The following NELL1 variants were observed in gnomAD, a reference collection of about 807,000 sequenced individuals.
The protein encoded by NELL1 is neural EGFL like 1.
NELL1 carries 76 observed loss-of-function variants against 107.4 expected under a neutral mutation model. The ratio of observed to expected loss-of-function variants is 0.71; its 90% CI spans 0.59 to 0.86. NELL1 has a LOEUF of 0.86. Ranked by LOEUF, NELL1 falls within the 40% of genes least tolerant of loss-of-function variation. The pLI, the probability that NELL1 is intolerant of heterozygous loss-of-function variation, is 0.00. For synonymous variants in NELL1, 353 were observed against 341.2 expected (o/e 1.03, Z -0.38); for missense variants, 1,024 against 1,005.5 (o/e 1.02, Z -0.25).
At chr11:20,918,753 T>C (rs1323069245) in intron 6 of NELL1, among the ~76,000 whole-genome samples, 1 of 152,018 alleles carries the variant, frequency 6.6e-6, no homozygotes, top group Non-Finnish European at 1.5e-5. Context: ...GTGGGAATTA[T>C]GGGAGCTACA....
At chr11:21,124,921 G>A (rs1855455547) in intron 13 of NELL1, among the ~76,000 whole-genome samples, 2 of 152,018 alleles carry the variant, frequency 1.3e-5, no homozygotes, top group Non-Finnish European at 2.9e-5. Flanking sequence ...TTCTTACTGT[G>A]TGCTCACATG....
At chr11:21,054,534 A>G (rs1372444895) in intron 12 of NELL1, among the ~76,000 whole-genome samples, 4 of 152,124 alleles carry the variant, frequency 2.6e-5, no homozygotes, top group Non-Finnish European at 4.4e-5. Context: ...TGTCCTCAAA[A>G]AAGTGTGTAA....
intron 13 of NELL1, among the ~76,000 whole-genome samples, chr11:21,124,123 T>C (rs1385440137): frequency 1.3e-5 from 2 of 152,196 alleles, no homozygotes; most frequent in African/African-American, 2.4e-5. Flanking sequence ...TTATACTCTA[T>C]ATATTTTCTA....
intron 15 of NELL1, among the ~76,000 whole-genome samples, chr11:21,394,341 T>C (rs967622240): frequency 5.3e-5 from 8 of 151,534 alleles, no homozygotes; most frequent in Non-Finnish European, 1.2e-4. Flanking sequence ...GTATCTCTCA[T>C]AGAATATTAC....
intron 3 of NELL1, among the ~76,000 whole-genome samples, chr11:20,816,545 G>A (rs1426130214): frequency 6.6e-6 from 1 of 152,136 alleles, no homozygotes. Context: ...GAGTCTTTTA[G>A]TGGAGTCTTT....
chr11:20,750,698 C>T lies in NELL1; in HGVS notation c.185-32982C>T, dbSNP rs116587522. On this transcript the variant is annotated intron_variant, in intron 2 of 19. Coordinates refer to ENST00000357134, the MANE Select transcript of NELL1 (RefSeq NM_006157.5). ...AATTCTTGGGCTCAGGTGATCCTCC[C>T]GTCTCAACCTCCCCAGTAGCTAGGA... Among the ~76,000 whole-genome samples, 1,004 of 152,128 alleles carry T rather than the reference C, an allele frequency of 6.6e-3. 12 individuals are homozygous for T. The highest frequency in any genetic ancestry group is 0.023 in the African/African-American group (943 of 41,522).
chr11:20,785,037 G>C (rs1367535567), intron 3 of NELL1, among the ~76,000 whole-genome samples: 1 of 152,216 alleles, frequency 6.6e-6, no homozygotes, highest in Non-Finnish European at 1.5e-5. Flanking sequence ...GAGTGCTCTT[G>C]AAGCACAGGC....
intron 9 of NELL1, among the ~76,000 whole-genome samples, chr11:20,931,595 CAAAG>C (rs1850620105): frequency 2.0e-5 from 3 of 152,006 alleles, no homozygotes; most frequent in Admixed American, 6.5e-5. Flanking sequence ...TAAAAAAAGA[CAAAG>C]AAAAAATTGT....
At position 20,724,143 on chromosome 11, in the gene NELL1, G is replaced by A. The variant is rs541377287; in HGVS notation, c.184+46083G>A. Among the ~76,000 whole-genome samples the A allele has an allele frequency of 2.0e-5, 3 of 152,338 alleles. No individual in the cohort carries two copies. The South Asian group carries it at 6.2e-4, about 32-fold the overall frequency. On this transcript the variant is annotated intron_variant, in intron 2 of 19. Transcript: ENST00000357134. ...GCCATTTTTCCCTCCTAGGCCTTGG[G>A]CCTGTGATGGAAGGGGTTGCCTTGA...
At chr11:21,131,488 A>G (rs1011972022) in intron 13 of NELL1, among the ~76,000 whole-genome samples, 12 of 152,208 alleles carry the variant, frequency 7.9e-5, no homozygotes, top group Non-Finnish European at 1.6e-4. Context: ...CATCATCTGC[A>G]GCAGGAGATT....
At chr11:21,296,814 A>G (rs1460889158) in intron 14 of NELL1, among the ~76,000 whole-genome samples, 1 of 151,776 alleles carries the variant, frequency 6.6e-6, no homozygotes, top group African/African-American at 2.4e-5. Context: ...ATGGGAAGAA[A>G]TTAAATAAAA....
At position 21,111,832 on chromosome 11, in the gene NELL1, C is replaced by T. The variant is rs988809162; in HGVS notation, c.1301-1757C>T. Reference sequence around the variant, plus strand: ...CTGGTAATATTTTATGAACAACACACTAATGTCAAGCAGCCCTCTCTAATA... The same window carrying T: ...CTGGTAATATTTTATGAACAACACATTAATGTCAAGCAGCCCTCTCTAATA... On this transcript the variant is annotated intron_variant, in intron 12 of 19. Transcript: ENST00000357134. Among the ~76,000 whole-genome samples the T allele has an allele frequency of 3.3e-5, 5 of 152,058 alleles. No homozygotes were observed. In the South Asian group the frequency reaches 6.2e-4, roughly 19 times the overall value.
intron 12 of NELL1, among the ~76,000 whole-genome samples, chr11:20,962,866 G>A (rs1448954395): frequency 6.6e-6 from 1 of 152,136 alleles, no homozygotes; most frequent in Admixed American, 6.6e-5. Context: ...AGCTCCAGGG[G>A]ATGTGTTCTT....
At chr11:21,293,424 G>A (rs1024219995) in intron 14 of NELL1, among the ~76,000 whole-genome samples, 2 of 152,132 alleles carry the variant, frequency 1.3e-5, no homozygotes, top group Non-Finnish European at 2.9e-5. Flanking sequence ...TAAAAAGTCA[G>A]GAGACAACAG....
At chr11:21,017,165 G>T (rs1326144675) in intron 12 of NELL1, among the ~76,000 whole-genome samples, 1 of 152,006 alleles carries the variant, frequency 6.6e-6, no homozygotes, top group African/African-American at 2.4e-5. Flanking sequence ...AGCCAATGAC[G>T]GGCACTGGCA....
intron 14 of NELL1, among the ~76,000 whole-genome samples, chr11:21,236,594 G>A (rs1388146400): frequency 6.6e-6 from 1 of 152,138 alleles, no homozygotes; most frequent in Non-Finnish European, 1.5e-5. Context: ...GATGCTGAAA[G>A]TCCTATAGAC....
chr11:20,810,935 TTC>T (rs1256911637), intron 3 of NELL1, among the ~76,000 whole-genome samples: 1 of 152,128 alleles, frequency 6.6e-6, no homozygotes, highest in Non-Finnish European at 1.5e-5. Context: ...TGCAAATATA[TTC>T]TTTCATTTTA....
intron 14 of NELL1, among the ~76,000 whole-genome samples, chr11:21,247,019 C>T (rs1424741128): frequency 1.3e-5 from 2 of 152,258 alleles, no homozygotes; most frequent in East Asian, 1.9e-4. Flanking sequence ...GGTGGGGACA[C>T]AGCCAAACCA....
chr11:21,480,315 C>G (rs1854461314), intron 15 of NELL1, among the ~76,000 whole-genome samples: 1 of 151,958 alleles, frequency 6.6e-6, no homozygotes, highest in South Asian at 2.1e-4. Context: ...GCAGATTATC[C>G]CACAAATTGT....
Sources: gnomAD v4.1 joint callset for allele counts (sites outside exome capture counted in the v4.1 genomes callset) on GRCh38, gnomAD v4.1.1 for gene constraint, MANE v1.5 for transcripts, NCBI Gene and HGNC (gene_info 2026-07-23, HGNC 2026-07-21) for gene names.